The following NLRP5 variants were observed in gnomAD, a reference collection of about 807,000 sequenced individuals.
NLRP5 encodes NACHT, LRR and PYD domains-containing protein 5.
Under a neutral mutation model 113.1 loss-of-function variants are expected in NLRP5, and 93 were observed. The ratio of observed to expected loss-of-function variants is 0.82; its 90% confidence interval spans 0.70 to 0.98. The LOEUF (loss-of-function observed/expected upper bound fraction) is 0.98. NLRP5 is among the 50% of genes least tolerant of loss of function. The pLI is 0.00. For synonymous variants in NLRP5, 751 were observed against 600.7 expected (o/e 1.25, Z -3.66); for missense variants, 1,808 against 1,514.3 (o/e 1.19, Z -3.22).
intron 3 of NLRP5, among the ~76,000 whole-genome samples, chr19:56,009,339 C>CAAAAAAAAAAAA (rs71296979): frequency 0.017 from 768 of 44,228 alleles, 94 homozygotes; most frequent in African/African-American, 0.04. Flanking sequence ...GACTCCATCT[C>CAAAAAAAAAAAA]AAAAAAAAAA....
At chr19:56,007,370 T>TTTA (rs952187159) in intron 2 of NLRP5, among the ~76,000 whole-genome samples, 3 of 150,044 alleles carry the variant, frequency 2.0e-5, no homozygotes, top group South Asian at 2.1e-4. Flanking sequence ...TTTTTTTTTT[T>TTTA]TATAGAAAGT....
upstream of NLRP5, among the ~76,000 whole-genome samples, chr19:55,998,531 A>T (rs10410642): frequency 0.62 from 93,961 of 150,430 alleles, 30,829 homozygotes; most frequent in African/African-American, 0.84. Flanking sequence ...CAGGTGCCTG[A>T]AATCCCAGCT....
chr19:56,038,614 G>C (rs1983406429), intron 10 of NLRP5, among the ~76,000 whole-genome samples: 1 of 152,152 alleles, frequency 6.6e-6, no homozygotes, highest in Admixed American at 6.5e-5. Context: ...GTCCAGGCCA[G>C]AGCTCATGCA....
intron 12 of NLRP5, among the ~76,000 whole-genome samples, chr19:56,053,305 A>G (rs1983998800): frequency 6.6e-6 from 1 of 152,068 alleles, no homozygotes; most frequent in Non-Finnish European, 1.5e-5. Flanking sequence ...TGAGGAAGGG[A>G]GAATAGCTTG....
chr19:56,057,161 A>G (rs1984187124), intron 13 of NLRP5, among the ~76,000 whole-genome samples: 1 of 152,124 alleles, frequency 6.6e-6, no homozygotes, highest in Non-Finnish European at 1.5e-5. Flanking sequence ...TTCTTTTTCA[A>G]TCTAGAATGA....
intron 11 of NLRP5, among the ~76,000 whole-genome samples, chr19:56,043,791 A>C (rs1375509938): frequency 1.3e-5 from 2 of 151,240 alleles, no homozygotes; most frequent in East Asian, 2.0e-4. Context: ...GTTAGCCAGG[A>C]TGGTCTCGAT....
At chr19:56,013,596 G>GGTTTTCTTT (rs1555765383) in intron 3 of NLRP5, among the ~76,000 whole-genome samples, 17 of 59,286 alleles carry the variant, frequency 2.9e-4, no homozygotes, top group Admixed American at 6.2e-4. Context: ...GGACATTTGG[G>GGTTTTCTTT]TTTTTTTTTT....
intron 9 of NLRP5, among the ~76,000 whole-genome samples, chr19:56,034,961 C>T (rs1983258710): frequency 1.3e-5 from 2 of 152,128 alleles, no homozygotes; most frequent in South Asian, 4.1e-4. Context: ...TTCTTTTTGA[C>T]TGAGTCTAGC....
At chr19:56,007,869 T>TTGTA in intron 2 of NLRP5, among the ~76,000 whole-genome samples, 1 of 85,994 alleles carries the variant, frequency 1.2e-5, no homozygotes, top group East Asian at 2.4e-4. Context: ...ACAAGACAGT[T>TTGTA]TGTGTGTGTG....
chr19:56,052,286 G>C lies in NLRP5; in HGVS notation c.3129-1352G>C, dbSNP rs574132162. On this transcript the variant is annotated intron_variant, in intron 12 of 14. Coordinates refer to ENST00000390649, the MANE Select transcript of NLRP5 (RefSeq NM_153447.4). ...TTGTTTTTGTTTCTGTTTTTGTTTTGAGACAGAGGTTCTTTCTTGTTGCCC... is the reference window on the plus strand; with the variant it reads ...TTGTTTTTGTTTCTGTTTTTGTTTTCAGACAGAGGTTCTTTCTTGTTGCCC... Among the ~76,000 whole-genome samples the C allele has an allele frequency of 6.6e-5, 10 of 151,626 alleles. No individual in the cohort carries two copies. In the South Asian group the frequency reaches 1.9e-3, roughly 29 times the overall value.
In NLRP5 at chr19:56,053,651, C is replaced by T; in HGVS notation, c.3142C>T (p.His1048Tyr). 6.2e-7 allele frequency: 1 copy of T among 1,613,500 alleles called. No homozygotes were observed. The highest frequency in any genetic ancestry group is 1.1e-5 in the South Asian group (1 of 91,006). Residue 1048 changes from histidine to tyrosine, a missense_variant, in exon 13 of 15, where the codon CAT becomes TAT. His to Tyr is a moderately conservative substitution (Grantham distance 83, BLOSUM62 2). Coordinates refer to ENST00000390649, the MANE Select transcript of NLRP5 (RefSeq NM_153447.4). ...CGCCTCTTGCAGGTTGGTAAAGTGTCATCTCACCGCCGCGTGCTGTGAGAG... is the reference window on the plus strand; with the variant it reads ...CGCCTCTTGCAGGTTGGTAAAGTGTTATCTCACCGCCGCGTGCTGTGAGAG...
upstream of NLRP5, among the ~76,000 whole-genome samples, chr19:55,999,153 A>G (rs1981504985): frequency 6.6e-6 from 1 of 150,716 alleles, no homozygotes; most frequent in Non-Finnish European, 1.5e-5. Context: ...GCTGCTATGA[A>G]TTTAATTGTT....
chr19:56,026,527 C>CAAAA (rs375845864), intron 6 of NLRP5, among the ~76,000 whole-genome samples: 9,076 of 40,268 alleles, frequency 0.23, 1,838 homozygotes, highest in Non-Finnish European at 0.32. Flanking sequence ...GACTCCATCT[C>CAAAA]AAAAAAAAAA....
intron 1 of NLRP5, among the ~76,000 whole-genome samples, chr19:56,000,466 A>G (rs989582691): frequency 5.9e-5 from 9 of 151,696 alleles, no homozygotes; most frequent in East Asian, 2.0e-4. Flanking sequence ...CCGGGTTCAC[A>G]CCATTCTCCT....
At chr19:56,056,119 T>C (rs551173611) in intron 13 of NLRP5, among the ~76,000 whole-genome samples, 12 of 152,316 alleles carry the variant, frequency 7.9e-5, no homozygotes, top group Admixed American at 6.5e-4. Flanking sequence ...CCTGGAGACA[T>C]GCGCACCTAC....
At chr19:56,053,556 C>T (rs1178001373) in intron 12 of NLRP5, 82 bp from the exon 13 acceptor site, 33 of 1,275,516 alleles carry the variant, frequency 2.6e-5, no homozygotes, top group Non-Finnish European at 3.5e-5. Context: ...AAAGGAAACT[C>T]CAGTTAATGC....
chr19:56,000,305 G>C (rs1392480724), intron 1 of NLRP5, among the ~76,000 whole-genome samples: 1 of 152,164 alleles, frequency 6.6e-6, no homozygotes, highest in East Asian at 1.9e-4. Flanking sequence ...GGATATTCAT[G>C]ATAACATGTT....
intron 1 of NLRP5, among the ~76,000 whole-genome samples, chr19:56,000,089 CTGCCACCTCTCCACTCTTTTCAAT>C (rs1568479209): frequency 1.9e-4 from 29 of 151,258 alleles, no homozygotes; most frequent in African/African-American, 6.4e-4. Flanking sequence ...TGTCCAGGGA[CTGCCACCTCTCCACTCTTTTCAAT>C]GACAGTTGTC....
chr19:55,994,251 T>C, the NLRP5 span, among the ~76,000 whole-genome samples: 1 of 152,248 alleles, frequency 6.6e-6, no homozygotes, highest in African/African-American at 2.4e-5. Context: ...CATTTGGATG[T>C]CTTTTGAGAA....
Sources: allele counts gnomAD v4.1 joint callset (sites outside exome capture counted in the v4.1 genomes callset), GRCh38; gene constraint gnomAD v4.1.1; transcripts MANE v1.5; gene names NCBI Gene and HGNC (gene_info 2026-07-23, HGNC 2026-07-21).